Variants in CEP170 observed in about 807,000 individuals in gnomAD.
The protein encoded by CEP170 is centrosomal protein 170.
In CEP170, 21 loss-of-function variants were observed where a neutral mutation model predicts 151.9. That is an observed-to-expected ratio of 0.14 (90% CI 0.10 to 0.20). CEP170 has a LOEUF of 0.20. Among genes scored for constraint, CEP170 ranks in the 10% least tolerant of loss-of-function variants. CEP170 has a pLI of 1.00. For synonymous variants in CEP170, 356 were observed against 648.8 expected (o/e 0.55, Z 6.86); for missense variants, 964 against 1,892.9 (o/e 0.51, Z 9.11).
chr1:243,225,068 A>T (rs10926973), intron 2 of CEP170, 108 bp downstream of exon 2: 200,191 of 535,220 alleles, frequency 0.37, 38,873 homozygotes, highest in South Asian at 0.55. Context: ...AGCTAAAAGG[A>T]GAGAAAGTTC....
chr1:243,196,916 AGG>A (rs1321303431), intron 7 of CEP170, among the ~76,000 whole-genome samples: 1 of 152,146 alleles, frequency 6.6e-6, no homozygotes, highest in Non-Finnish European at 1.5e-5. Context: ...AAGAGCAGGC[AGG>A]AATTAGCATA....
rs145275118 is a variant in CEP170 at position 243,234,642 on chromosome 1, A to G, written c.-41-9321T>C. Among the ~76,000 whole-genome samples, 330 of 152,344 alleles carry G rather than the reference A, an allele frequency of 2.2e-3. 2 individuals are homozygous for G. Among genetic ancestry groups the G allele is most frequent in the African/African-American group, 7.7e-3 (320 of 41,586 alleles). On this transcript the variant is annotated intron_variant, in intron 1 of 19. Coordinates refer to ENST00000366542, the MANE Select transcript of CEP170 (RefSeq NM_014812.3). ...CAATTTTAAACAAATGTATAAATTC[A>G]GGAATCCTATTTTACATTTTCACCC...
intron 14 of CEP170, among the ~76,000 whole-genome samples, chr1:243,148,925 T>A (rs2056800702): frequency 6.6e-6 from 1 of 152,070 alleles, no homozygotes; most frequent in Non-Finnish European, 1.5e-5. Context: ...GGGAAAGAGT[T>A]ACACTGAGCC....
At position 243,125,691 on chromosome 1, in the gene CEP170, T is replaced by C. The variant is rs1175783086; in HGVS notation, c.*758A>G. The stretch of plus-strand genomic sequence containing the variant: ...GAAAAAAAGTGCCAAATTGATCTTT[T>C]TGAAAGTGGAGTAAAACACTGTGGG... On this transcript the variant is annotated 3_prime_UTR_variant, in exon 20 of 20. Transcript: ENST00000366542. 1 of 154,738 alleles carries C rather than the reference T, an allele frequency of 6.5e-6. No individual in the cohort carries two copies. Among genetic ancestry groups the C allele is most frequent in the East Asian group, 1.9e-4 (1 of 5,248 alleles). 9.6% of individuals were successfully genotyped at this position (154,738 alleles called of 1,614,324 possible). A position where few individuals can be genotyped will look rare whatever the true frequency, so the allele number is the denominator to read the frequency against.
intron 1 of CEP170, among the ~76,000 whole-genome samples, chr1:243,238,046 T>C (rs944374167): frequency 6.6e-6 from 1 of 152,190 alleles, no homozygotes; most frequent in African/African-American, 2.4e-5. Flanking sequence ...AGGCTATGGA[T>C]GTTTAAAGTG....
At chr1:243,219,361 T>C (rs1324384555) in intron 3 of CEP170, among the ~76,000 whole-genome samples, 1 of 152,220 alleles carries the variant, frequency 6.6e-6, no homozygotes, top group Non-Finnish European at 1.5e-5. Context: ...TCAGAGAGAT[T>C]AAGTGATTTG....
At chr1:243,152,012 T>C (rs956004527) in intron 14 of CEP170, among the ~76,000 whole-genome samples, 19 of 152,182 alleles carry the variant, frequency 1.2e-4, no homozygotes, top group Admixed American at 9.8e-4. Flanking sequence ...GCCTGGATTA[T>C]GGCATATTTA....
At chr1:243,216,930 A>G (rs1456185632) in intron 3 of CEP170, among the ~76,000 whole-genome samples, 3 of 152,238 alleles carry the variant, frequency 2.0e-5, no homozygotes. Context: ...ACAGTCATGC[A>G]TTGCTTAACA....
intron 14 of CEP170, among the ~76,000 whole-genome samples, chr1:243,145,566 C>T (rs1289185050): frequency 6.6e-6 from 1 of 152,242 alleles, no homozygotes; most frequent in Non-Finnish European, 1.5e-5. Flanking sequence ...AGCCACTACG[C>T]CCAGCCAAAA....
At chr1:243,193,015 C>T (rs1418765487) in intron 7 of CEP170, among the ~76,000 whole-genome samples, 1 of 151,940 alleles carries the variant, frequency 6.6e-6, no homozygotes, top group Non-Finnish European at 1.5e-5. Context: ...TATCACTGAA[C>T]ATGAAAGAAA....
chr1:243,134,382 A>C lies in CEP170; in HGVS notation c.4319+1761T>G, dbSNP rs559725322. On this transcript the variant is annotated intron_variant, in intron 17 of 19. Coordinates refer to ENST00000366542, the MANE Select transcript of CEP170 (RefSeq NM_014812.3). ...CATAAGAATATATGGGAATTGATAAAGGTAAATTCCCTTTAAAAAAACAAT... is the reference window on the plus strand; with the variant it reads ...CATAAGAATATATGGGAATTGATAACGGTAAATTCCCTTTAAAAAAACAAT... Among the ~76,000 whole-genome samples the C allele has an allele frequency of 4.6e-5, 7 of 152,356 alleles. No individual in the cohort carries two copies. The East Asian group carries it at 1.3e-3, about 29-fold the overall frequency.
At chr1:243,183,193 C>T (rs1417325756) in intron 10 of CEP170, among the ~76,000 whole-genome samples, 1 of 152,002 alleles carries the variant, frequency 6.6e-6, no homozygotes, top group Non-Finnish European at 1.5e-5. Context: ...AGACACAAAG[C>T]CTGGCACATA....
At chr1:243,233,439 T>A (rs2063942085) in intron 1 of CEP170, among the ~76,000 whole-genome samples, 2 of 152,096 alleles carry the variant, frequency 1.3e-5, no homozygotes, top group African/African-American at 2.4e-5. Flanking sequence ...TACTGCTTTT[T>A]AAAAATATTT....
chr1:243,140,883 A>G (rs1402073271), intron 15 of CEP170, among the ~76,000 whole-genome samples: 2 of 152,244 alleles, frequency 1.3e-5, no homozygotes, highest in East Asian at 1.9e-4. Context: ...TGAGAAAATA[A>G]TATCTTCAAC....
At chr1:243,144,947 T>C (rs1225240496) in intron 14 of CEP170, among the ~76,000 whole-genome samples, 4 of 152,140 alleles carry the variant, frequency 2.6e-5, no homozygotes, top group Non-Finnish European at 5.9e-5. Flanking sequence ...TAGAAATAAG[T>C]ATGCATTACT....
intron 10 of CEP170, among the ~76,000 whole-genome samples, chr1:243,179,412 T>A (rs1309519810): frequency 6.6e-6 from 1 of 152,196 alleles, no homozygotes; most frequent in Non-Finnish European, 1.5e-5. Flanking sequence ...CTAGTCTATT[T>A]ATCACAGCAT....
intron 17 of CEP170, among the ~76,000 whole-genome samples, chr1:243,135,210 T>C (rs1268275822): frequency 6.6e-6 from 1 of 152,032 alleles, no homozygotes; most frequent in East Asian, 1.9e-4. Context: ...GAAATTATTA[T>C]TTATTTATTT....
At chr1:243,238,322 G>T (rs2064451570) in intron 1 of CEP170, among the ~76,000 whole-genome samples, 1 of 152,064 alleles carries the variant, frequency 6.6e-6, no homozygotes, top group Admixed American at 6.6e-5. Context: ...TGCCAGGTGT[G>T]GTGACGTGCA....
intron 11 of CEP170, among the ~76,000 whole-genome samples, chr1:243,172,404 G>T (rs1391028027): frequency 6.6e-6 from 1 of 152,206 alleles, no homozygotes; most frequent in Admixed American, 6.5e-5. Context: ...GGAGGCTGAG[G>T]CGGGTGGATC....
Sources: gnomAD v4.1 joint callset for allele counts (sites outside exome capture counted in the v4.1 genomes callset) on GRCh38, gnomAD v4.1.1 for gene constraint, MANE v1.5 for transcripts, NCBI Gene and HGNC (gene_info 2026-07-23, HGNC 2026-07-21) for gene names.